C12orf42: variants seen among roughly 807,000 people sequenced by gnomAD.
C12orf42 encodes chromosome 12 open reading frame 42, also known as uncharacterized protein C12orf42.
C12orf42 carries 25 observed loss-of-function variants against 21.6 expected under a neutral mutation model. The observed-to-expected ratio is 1.16, with a 90% CI of 0.84 to 1.62. C12orf42 has a LOEUF of 1.62. Ranked by LOEUF, C12orf42 falls within the 40% of genes most tolerant of loss-of-function variation. C12orf42 has a pLI of 0.00. For synonymous variants in C12orf42, 174 were observed against 175.0 expected, an observed-to-expected ratio of 0.99 and a Z score of 0.05; for missense variants, 483 against 459.3, an observed-to-expected ratio of 1.05 and a Z score of -0.47.
At chr12:103,275,357 T>A (rs1330281432) in intron 5 of C12orf42, among the ~76,000 whole-genome samples, 4 of 152,102 alleles carry the variant, frequency 2.6e-5, no homozygotes, top group Non-Finnish European at 5.9e-5. Context: ...TTAAACACAT[T>A]AATTTTGGAA....
chr12:103,145,860 A>C, the C12orf42 span, among the ~76,000 whole-genome samples: 1 of 152,172 alleles, frequency 6.6e-6, no homozygotes, highest in Non-Finnish European at 1.5e-5. Context: ...GAACAGAAAA[A>C]AAACAGAGTC....
chr12:103,157,220 G>A, the C12orf42 span, among the ~76,000 whole-genome samples: 1 of 152,098 alleles, frequency 6.6e-6, no homozygotes, highest in Non-Finnish European at 1.5e-5. Flanking sequence ...TTTCTCTGAT[G>A]GTCAGTAATG....
chr12:103,140,902 T>C, the C12orf42 span, among the ~76,000 whole-genome samples: 5 of 152,126 alleles, frequency 3.3e-5, no homozygotes. Context: ...ACATCCCTGA[T>C]GTATGAGTGA....
chr12:103,226,555 T>C, the C12orf42 span, among the ~76,000 whole-genome samples: 1 of 152,178 alleles, frequency 6.6e-6, no homozygotes, highest in Non-Finnish European at 1.5e-5. Flanking sequence ...ACCTTGACTA[T>C]GCCGTTAGCT....
chr12:103,415,107 A>G (rs1173985984), intron 2 of C12orf42, among the ~76,000 whole-genome samples: 1 of 152,188 alleles, frequency 6.6e-6, no homozygotes. Flanking sequence ...CAACAAAAAA[A>G]GAGTAGAGAC....
the C12orf42 span, among the ~76,000 whole-genome samples, chr12:103,219,583 A>T: frequency 2.0e-5 from 3 of 152,238 alleles, no homozygotes; most frequent in East Asian, 5.8e-4. Context: ...AAATAAGCCC[A>T]TCAAAAAGTG....
downstream of C12orf42, among the ~76,000 whole-genome samples, chr12:103,300,416 C>T (rs933875998): frequency 6.6e-6 from 1 of 152,182 alleles, no homozygotes; most frequent in Non-Finnish European, 1.5e-5. Context: ...ACAAAACACA[C>T]TTTGGGAAAC....
At chr12:103,494,711 T>C (rs917148523) in intron 1 of C12orf42, among the ~76,000 whole-genome samples, 1 of 152,198 alleles carries the variant, frequency 6.6e-6, no homozygotes, top group Non-Finnish European at 1.5e-5. Context: ...CGGCAATGAA[T>C]TTATGTGACA....
chr12:103,154,450 C>T, the C12orf42 span, among the ~76,000 whole-genome samples: 1 of 152,166 alleles, frequency 6.6e-6, no homozygotes, highest in Admixed American at 6.5e-5. Flanking sequence ...AGCTCATCCA[C>T]ACTGGATAAG....
At chr12:103,225,938 T>A in the C12orf42 span, among the ~76,000 whole-genome samples, 7 of 152,310 alleles carry the variant, frequency 4.6e-5, no homozygotes, top group East Asian at 1.9e-4. Flanking sequence ...GGGCAGTGTC[T>A]GTCTTCAGCC....
At chr12:103,280,248 G>A (rs1298051581) in intron 4 of C12orf42, among the ~76,000 whole-genome samples, 1 of 152,092 alleles carries the variant, frequency 6.6e-6, no homozygotes, top group Non-Finnish European at 1.5e-5. Flanking sequence ...AGTGGAGCAG[G>A]GATTCACATG....
At chr12:103,238,207 T>C (rs1292683568) in intron 10 of C12orf42, among the ~76,000 whole-genome samples, 3 of 152,042 alleles carry the variant, frequency 2.0e-5, no homozygotes, top group Middle Eastern at 3.2e-3. Flanking sequence ...AGTAAAATTA[T>C]ATTGGAACAC....
the C12orf42 span, among the ~76,000 whole-genome samples, chr12:103,067,928 G>T: frequency 6.6e-6 from 1 of 152,136 alleles, no homozygotes; most frequent in African/African-American, 2.4e-5. Context: ...ATTCATTAGG[G>T]CGTCTCTTAG....
the C12orf42 span, among the ~76,000 whole-genome samples, chr12:103,208,353 C>A: frequency 6.6e-6 from 1 of 152,110 alleles, no homozygotes; most frequent in African/African-American, 2.4e-5. Flanking sequence ...GATCTCCCCA[C>A]CCACCCACAC....
intron 2 of C12orf42, among the ~76,000 whole-genome samples, chr12:103,418,304 T>A (rs950109949): frequency 6.6e-6 from 1 of 152,158 alleles, no homozygotes; most frequent in African/African-American, 2.4e-5. Context: ...CCAGCAGGCA[T>A]GCCGTCTTCT....
chr12:103,294,443 A>AG (rs1237491582), intron 4 of C12orf42, among the ~76,000 whole-genome samples: 13 of 126,856 alleles, frequency 1.0e-4, no homozygotes, highest in African/African-American at 4.2e-4. Context: ...AGAAAGAAAG[A>AG]AAGAAAGAAA....
At chr12:103,377,117 T>C (rs569429153) in intron 3 of C12orf42, among the ~76,000 whole-genome samples, 32 of 152,296 alleles carry the variant, frequency 2.1e-4, no homozygotes, top group Non-Finnish European at 4.3e-4. Flanking sequence ...TGTTCTCTCT[T>C]CCCTTATTCC....
At chr12:103,421,165 C>T (rs970234586) in intron 2 of C12orf42, among the ~76,000 whole-genome samples, 5 of 151,886 alleles carry the variant, frequency 3.3e-5, no homozygotes, top group Non-Finnish European at 7.4e-5. Flanking sequence ...TACAAAGACA[C>T]GAGAGGCCCA....
chr12:103,089,101 C>CAA, the C12orf42 span, among the ~76,000 whole-genome samples: 2,006 of 54,582 alleles, frequency 0.037, 238 homozygotes, highest in African/African-American at 0.096. Flanking sequence ...GACTCCATCT[C>CAA]AAAAAAAAAA....
Sources: gnomAD v4.1 joint callset for allele counts (sites outside exome capture counted in the v4.1 genomes callset) on GRCh38, gnomAD v4.1.1 for gene constraint, MANE v1.5 for transcripts, NCBI Gene and HGNC (gene_info 2026-07-23, HGNC 2026-07-21) for gene names.